Variants in TSC22D1 observed in about 807,000 individuals in gnomAD.
TSC22D1 encodes TSC22 domain family member 1.
Under a neutral mutation model 74.2 loss-of-function variants are expected in TSC22D1, and 9 were observed. That is an observed-to-expected ratio of 0.12 (90% CI 0.07 to 0.21). The LOEUF (loss-of-function observed/expected upper bound fraction) is 0.21, where lower values mean the gene tolerates loss of function less well. Among genes scored for constraint, TSC22D1 ranks in the 10% least tolerant of loss-of-function variants. The pLI is 1.00. For missense variants in TSC22D1, 1,427 were observed against 1,304.7 expected (o/e 1.09, Z -1.44); for synonymous variants, 586 against 492.5 (o/e 1.19, Z -2.51).
intron 1 of TSC22D1, among the ~76,000 whole-genome samples, chr13:44,457,913 G>A (rs1876766406): frequency 1.3e-5 from 2 of 152,206 alleles, no homozygotes; most frequent in Admixed American, 1.3e-4. Context: ...TTTCAATTCT[G>A]ATGAAATAGT....
intron 1 of TSC22D1, chr13:44,539,460 G>A (rs927658914): frequency 3.0e-6 from 3 of 985,166 alleles, no homozygotes; most frequent in African/African-American, 1.7e-5. Flanking sequence ...AGAGCACTTA[G>A]AAGTCCACTA....
intron 1 of TSC22D1, among the ~76,000 whole-genome samples, chr13:44,510,786 G>C (rs975519468): frequency 3.3e-5 from 5 of 152,048 alleles, no homozygotes; most frequent in Non-Finnish European, 5.9e-5. Context: ...GGTACAGACA[G>C]GGTTTCCCCA....
chr13:44,491,897 C>T (rs76843880), intron 1 of TSC22D1, among the ~76,000 whole-genome samples: 144 of 152,264 alleles, frequency 9.5e-4, no homozygotes, highest in Non-Finnish European at 1.7e-3. Context: ...TAAAGCTGAA[C>T]ATGTATATCT....
intron 1 of TSC22D1, among the ~76,000 whole-genome samples, chr13:44,466,784 A>AT (rs1302018957): frequency 6.6e-6 from 1 of 152,016 alleles, no homozygotes; most frequent in Non-Finnish European, 1.5e-5. Context: ...AGAAAAAAAA[A>AT]AGAAAACAAT....
rs1310595509 is a variant in TSC22D1 at position 44,434,572 on chromosome 13, T to A, written c.*54A>T. 9.4e-6 allele frequency: 14 copies of A among 1,495,766 alleles called. No individual in the cohort carries two copies. The highest frequency in any genetic ancestry group is 1.4e-5 in the South Asian group (1 of 71,180). 92.7% of individuals were successfully genotyped at this position (1,495,766 alleles called of 1,614,324 possible). On this transcript the variant is annotated 3_prime_UTR_variant, in exon 3 of 3. Transcript: ENST00000458659. ...GGAGGCAGATTCTCCCTAGCACATC[T>A]TCTCCGTCTGTTCAGTTCACACGCA...
At chr13:44,550,055 C>A (rs754782721) in intron 1 of TSC22D1, among the ~76,000 whole-genome samples, 4 of 152,062 alleles carry the variant, frequency 2.6e-5, no homozygotes, top group Non-Finnish European at 5.9e-5. Context: ...TAATCCACGT[C>A]TGGAAAGTAA....
chr13:44,461,487 T>C (rs982774823), intron 1 of TSC22D1, among the ~76,000 whole-genome samples: 1 of 152,168 alleles, frequency 6.6e-6, no homozygotes, highest in African/African-American at 2.4e-5. Flanking sequence ...AAGTACTAGA[T>C]GGTGAGTAGT....
At chr13:44,438,825 T>C (rs1282213878) in intron 1 of TSC22D1, among the ~76,000 whole-genome samples, 2 of 151,880 alleles carry the variant, frequency 1.3e-5, no homozygotes, top group Non-Finnish European at 2.9e-5. Context: ...TACATGATAG[T>C]CTCTATATTT....
chr13:44,483,446 G>C (rs1022572515), intron 1 of TSC22D1, among the ~76,000 whole-genome samples: 10 of 152,146 alleles, frequency 6.6e-5, no homozygotes, highest in African/African-American at 2.4e-4. Context: ...CGGATCATGA[G>C]GTCAGGAGAT....
At chr13:44,486,955 T>C (rs116703649) in intron 1 of TSC22D1, among the ~76,000 whole-genome samples, 2,314 of 152,196 alleles carry the variant, frequency 0.015, 47 homozygotes, top group African/African-American at 0.052. Flanking sequence ...ATAGCTTAAA[T>C]GCTTATATTA....
intron 1 of TSC22D1, among the ~76,000 whole-genome samples, chr13:44,481,077 T>C (rs997765698): frequency 3.3e-5 from 5 of 152,126 alleles, no homozygotes; most frequent in African/African-American, 1.2e-4. Flanking sequence ...TAAATGAGAC[T>C]GAAAAGGAGA....
chr13:44,492,185 A>G (rs1878758660), intron 1 of TSC22D1, among the ~76,000 whole-genome samples: 1 of 148,630 alleles, frequency 6.7e-6, no homozygotes, highest in South Asian at 2.1e-4. Flanking sequence ...AGTCAAAAAT[A>G]CAGTTAAATA....
intron 1 of TSC22D1, among the ~76,000 whole-genome samples, chr13:44,528,746 C>T (rs1361554323): frequency 6.6e-6 from 1 of 151,916 alleles, no homozygotes; most frequent in Non-Finnish European, 1.5e-5. Context: ...AACTGATAAA[C>T]TTAGGGCCAG....
intron 1 of TSC22D1, among the ~76,000 whole-genome samples, chr13:44,499,441 T>C (rs1374820309): frequency 6.6e-6 from 1 of 152,184 alleles, no homozygotes; most frequent in African/African-American, 2.4e-5. Flanking sequence ...TAAAATTACA[T>C]TTGTGTGACA....
intron 2 of TSC22D1, 144 bp downstream of exon 2, chr13:44,435,900 G>A (rs765274010): frequency 1.1e-6 from 1 of 896,412 alleles, no homozygotes; most frequent in Non-Finnish European, 1.8e-6. Context: ...CTCCACGCTG[G>A]CCGAATGGAG....
At chr13:44,508,589 AT>A (rs1879544813) in intron 1 of TSC22D1, among the ~76,000 whole-genome samples, 1 of 152,142 alleles carries the variant, frequency 6.6e-6, no homozygotes, top group South Asian at 2.1e-4. Flanking sequence ...AGCCAGGATG[AT>A]TTTTTTAAAG....
intron 1 of TSC22D1, among the ~76,000 whole-genome samples, chr13:44,525,327 C>T (rs1880497490): frequency 6.6e-6 from 1 of 152,178 alleles, no homozygotes; most frequent in East Asian, 1.9e-4. Flanking sequence ...AGTCTCATGC[C>T]TGTAATCACA....
rs375930738 is a variant in TSC22D1 at position 44,574,408 on chromosome 13, T to C, written c.1667A>G (p.Tyr556Cys). 1.9e-6 allele frequency: 3 copies of C among 1,614,252 alleles called. No homozygotes were observed. Among genetic ancestry groups the C allele is most frequent in the Non-Finnish European group, 1.7e-6 (2 of 1,180,042 alleles). ...TGGCTGAAGACCTTGCTTTTGCTGA[T>C]AGCTCAGTTCTTGAGACTGTAATTG... is the stretch of plus-strand genomic sequence containing the variant. Reference protein sequence around the residue: ...QVQLQSQELSYQQKQGLQPVP... With the variant: ...QVQLQSQELSCQQKQGLQPVP... Residue 556 changes from tyrosine (Y) to cysteine (C), a missense_variant, in exon 1 of 3, where the codon TAT (tyrosine) becomes TGT (cysteine). Tyr to Cys is a radical substitution (Grantham distance 194, BLOSUM62 -2). Around this residue, in one of 3 missense-constraint regions of TSC22D1, gnomAD observed 1,343 missense variants for 1,191.5 expected, o/e 1.13. Coordinates refer to ENST00000458659, the MANE Select transcript of TSC22D1 (RefSeq NM_183422.4).
At position 44,434,833 on chromosome 13, in the gene TSC22D1, G is replaced by A. The variant is rs1196569082; in HGVS notation, c.3015C>T (p.Val1005=). Residue 1005 remains valine (V), a synonymous_variant, in exon 3 of 3, where the codon GTC becomes GTT. Transcript: ENST00000458659. Reference sequence around the variant, plus strand: ...TTAGTTCTTTGATTTGCTCTTTGAGGACCTCCACTTCTTCTCTGACCGCAT... The same window carrying A: ...TTAGTTCTTTGATTTGCTCTTTGAGAACCTCCACTTCTTCTCTGACCGCAT... ...LMYAVREEVE[V]LKEQIKELIE... 2 of 1,613,766 alleles carry A rather than the reference G, an allele frequency of 1.2e-6. No individual in the cohort carries two copies. The highest frequency in any genetic ancestry group is 1.7e-5 in the Admixed American group (1 of 59,996).
Sources: gnomAD v4.1 joint callset for allele counts (sites outside exome capture counted in the v4.1 genomes callset) on GRCh38, gnomAD v4.1.1 for gene constraint, gnomAD v4.1.1 regional missense constraint, MANE v1.5 for transcripts, NCBI Gene and HGNC (gene_info 2026-07-23, HGNC 2026-07-21) for gene names.